SEMA6A: variants seen among roughly 807,000 people sequenced by gnomAD.
SEMA6A encodes the protein semaphorin-6A.
A neutral mutation model predicts 96.8 loss-of-function variants in SEMA6A; 25 were observed. The observed-to-expected ratio is 0.26, with a 90% CI of 0.19 to 0.36. The LOEUF (loss-of-function observed/expected upper bound fraction) is 0.36. SEMA6A is among the 10% of genes least tolerant of loss of function. The probability of loss-of-function intolerance (pLI) is 1.00; values close to 1 mark genes in which losing one functional copy is unlikely to be tolerated. For synonymous variants in SEMA6A, 612 were observed against 518.0 expected (o/e 1.18, Z -2.46); for missense variants, 1,363 against 1,323.1 (o/e 1.03, Z -0.47).
intron 1 of SEMA6A, among the ~76,000 whole-genome samples, chr5:116,568,916 G>A (rs1484292742): frequency 3.3e-5 from 5 of 152,066 alleles, no homozygotes; most frequent in African/African-American, 1.2e-4. Context: ...ACATGATATA[G>A]AAAAACAAAG....
At chr5:116,474,028 C>T (rs1756311772) in intron 16 of SEMA6A, among the ~76,000 whole-genome samples, 1 of 152,142 alleles carries the variant, frequency 6.6e-6, no homozygotes, top group Admixed American at 6.5e-5. Flanking sequence ...AGAGCGTCCC[C>T]TATGCTACAT....
intron 1 of SEMA6A, among the ~76,000 whole-genome samples, chr5:116,560,046 C>A (rs1760760282): frequency 6.6e-6 from 1 of 152,208 alleles, no homozygotes; most frequent in Non-Finnish European, 1.5e-5. Flanking sequence ...CACCAGGAGG[C>A]CCCTTGCTGT....
intron 18 of SEMA6A, among the ~76,000 whole-genome samples, chr5:116,454,978 A>G (rs1269018131): frequency 1.3e-5 from 2 of 152,268 alleles, no homozygotes; most frequent in Middle Eastern, 3.4e-3. Context: ...TTCAGAAGCT[A>G]TTTTAAAACT....
At chr5:116,479,352 GA>G (rs1756635452) in intron 12 of SEMA6A, among the ~76,000 whole-genome samples, 1 of 152,178 alleles carries the variant, frequency 6.6e-6, no homozygotes, top group African/African-American at 2.4e-5. Context: ...ACTCCATGGG[GA>G]CCTAGTTGTC....
chr5:116,487,468 A>G (rs1004012492), intron 9 of SEMA6A, among the ~76,000 whole-genome samples: 7 of 152,068 alleles, frequency 4.6e-5, no homozygotes, highest in Admixed American at 3.3e-4. Flanking sequence ...TCAAAACTCA[A>G]TTTGATTAAA....
intron 1 of SEMA6A, among the ~76,000 whole-genome samples, chr5:116,525,194 A>G (rs2112826073): frequency 6.6e-6 from 1 of 152,214 alleles, no homozygotes; most frequent in Admixed American, 6.5e-5. Context: ...TTCCCCATGA[A>G]CAGAAGAGGT....
chr5:116,495,928 A>G, intron 5 of SEMA6A: 1 of 346,356 alleles, frequency 2.9e-6, no homozygotes. Context: ...GCTCTTCCAC[A>G]GACTCCCTGT....
intron 1 of SEMA6A, among the ~76,000 whole-genome samples, chr5:116,541,831 TCAAAA>T (rs2112864459): frequency 6.6e-6 from 1 of 151,410 alleles, no homozygotes; most frequent in East Asian, 1.9e-4. Context: ...GGACTCCATC[TCAAAA>T]CAAACAAACA....
Position 116,496,246 on chromosome 5 carries a change from C to T in SEMA6A, c.342+5G>A, listed in dbSNP as rs762488923. 1 of 1,613,070 alleles carries T rather than the reference C, an allele frequency of 6.2e-7. No homozygotes were observed. Among genetic ancestry groups the T allele is most frequent in the Non-Finnish European group, 8.5e-7 (1 of 1,179,290 alleles). On this transcript the variant is annotated splice_donor_5th_base_variant and intron_variant, in intron 5 of 18. Coordinates refer to ENST00000343348, the MANE Select transcript of SEMA6A (RefSeq NM_020796.5). Reference sequence around the variant, plus strand: ...GCAGCTGCAGGAGAAATGAAAATTGCCTACCTTATGTTTTCCCTTCATTCT... The same window carrying T: ...GCAGCTGCAGGAGAAATGAAAATTGTCTACCTTATGTTTTCCCTTCATTCT...
intron 7 of SEMA6A, among the ~76,000 whole-genome samples, chr5:116,490,461 A>G (rs1290754760): frequency 6.6e-6 from 1 of 152,172 alleles, no homozygotes; most frequent in South Asian, 2.1e-4. Context: ...CAACTAATGC[A>G]GGTTCCAAGT....
chr5:116,447,456 C>T lies in SEMA6A; in HGVS notation c.2250G>A (p.Leu750=). Residue 750 remains leucine, a synonymous_variant, in exon 19 of 19, where the codon CTG becomes CTA. Coordinates refer to ENST00000343348, the MANE Select transcript of SEMA6A (RefSeq NM_020796.5). ...CTGGGGTGGGGAGGGCCGTCAGGTC[C>T]AGGTGGTGCTGGTCTGCTTTAATGA... ...KMLIKADQHH[L]DLTALPTPES... 1.2e-6 allele frequency: 2 copies of T among 1,614,078 alleles called. No homozygotes were observed. Among genetic ancestry groups the T allele is most frequent in the South Asian group, 1.1e-5 (1 of 91,090 alleles).
At chr5:116,478,468 G>T (rs911523510) in intron 13 of SEMA6A, 74 bp downstream of exon 13, 2 of 1,410,976 alleles carry the variant, frequency 1.4e-6, no homozygotes, top group African/African-American at 2.9e-5. Flanking sequence ...AGTCGGTCAT[G>T]ATTTTCTCTG....
chr5:116,484,288 C>T (rs1211851718), intron 10 of SEMA6A, among the ~76,000 whole-genome samples: 1 of 152,088 alleles, frequency 6.6e-6, no homozygotes, highest in Non-Finnish European at 1.5e-5. Context: ...CCTAGGGTTT[C>T]GTAGTCTTCC....
At chr5:116,545,941 C>T (rs1402278330) in intron 1 of SEMA6A, among the ~76,000 whole-genome samples, 1 of 152,164 alleles carries the variant, frequency 6.6e-6, no homozygotes, top group Non-Finnish European at 1.5e-5. Context: ...GGCATAAGTC[C>T]TCATTTGCCT....
At position 116,489,071 on chromosome 5, in the gene SEMA6A, A is replaced by C. The variant is rs576549699; in HGVS notation, c.536-64T>G. The C allele has an allele frequency of 2.7e-6, 4 of 1,481,656 alleles. 1 individual carries two copies. The South Asian group carries it at 4.1e-5, about 15-fold the overall frequency. The allele number at this position is 1,481,656 out of a possible 1,614,324, so 91.8% of individuals were successfully genotyped here. On this transcript the variant is annotated intron_variant, in intron 7 of 18. Coordinates refer to ENST00000343348, the MANE Select transcript of SEMA6A (RefSeq NM_020796.5). Reference sequence around the variant, plus strand: ...AAGTCAGTGGGGGTGGAGGAATAATAAAGACATCCCCTAGATTGCTTTCCA... The same window carrying C: ...AAGTCAGTGGGGGTGGAGGAATAATCAAGACATCCCCTAGATTGCTTTCCA...
chr5:116,497,615 T>C (rs1757664355), intron 3 of SEMA6A, among the ~76,000 whole-genome samples: 1 of 152,342 alleles, frequency 6.6e-6, no homozygotes, highest in East Asian at 1.9e-4. Flanking sequence ...ATGAAAACTT[T>C]CCTGTATTAG....
At chr5:116,527,244 T>C (rs1176239850) in intron 1 of SEMA6A, among the ~76,000 whole-genome samples, 1 of 152,100 alleles carries the variant, frequency 6.6e-6, no homozygotes, top group Non-Finnish European at 1.5e-5. Flanking sequence ...TATATATTTT[T>C]TTCTGAACTA....
At chr5:116,473,044 T>C (rs1275182965) in intron 17 of SEMA6A, 29 bp downstream of exon 17, 4 of 1,582,904 alleles carry the variant, frequency 2.5e-6, no homozygotes, top group South Asian at 2.3e-5. Flanking sequence ...TCCACCAGTA[T>C]GGAATTATGA....
intron 18 of SEMA6A, among the ~76,000 whole-genome samples, chr5:116,448,163 T>G (rs1754374520): frequency 3.7e-5 from 3 of 81,932 alleles, no homozygotes; most frequent in African/African-American, 5.0e-5. Context: ...GAAACCCCCG[T>G]CTCTACTAAA....
Sources: allele counts gnomAD v4.1 joint callset (sites outside exome capture counted in the v4.1 genomes callset), GRCh38; gene constraint gnomAD v4.1.1; transcripts MANE v1.5; gene names NCBI Gene and HGNC (gene_info 2026-07-23, HGNC 2026-07-21).